The following SPDL1 variants were observed in gnomAD, a reference collection of about 807,000 sequenced individuals.
SPDL1 encodes spindle apparatus coiled-coil protein 1, also known as protein Spindly.
A neutral mutation model predicts 79.5 loss-of-function variants in SPDL1; 85 were observed. The observed-to-expected ratio is 1.07, with a 90% CI of 0.90 to 1.28. The LOEUF (loss-of-function observed/expected upper bound fraction) is 1.28, where lower values mean the gene tolerates loss of function less well. SPDL1 is among the 50% of genes most tolerant of loss of function. SPDL1 has a pLI of 0.00. For missense variants in SPDL1, 703 were observed against 697.8 expected (o/e 1.01, Z -0.08); for synonymous variants, 269 against 240.3 (o/e 1.12, Z -1.10).
chr5:169,601,481 C>T lies in SPDL1; in HGVS notation c.1526C>T (p.Thr509Ile). The change falls in exon 11 of 12, where the codon ACA becomes ATA. Residue 509 changes from threonine to isoleucine, a missense_variant. Coordinates refer to ENST00000265295, the MANE Select transcript of SPDL1 (RefSeq NM_017785.5). ...LQLEKSVSIY[T>I]PVVSLSPHKN... ...TTAGAAAAATCAGTTTCTATATACA[C>T]ACCAGTAGTCAGTCTCTCTCCTCAC... is the stretch of plus-strand genomic sequence containing the variant. 6.2e-7 allele frequency: 1 copy of T among 1,614,170 alleles called. No individual in the cohort carries two copies. Among genetic ancestry groups the T allele is most frequent in the Non-Finnish European group, 8.5e-7 (1 of 1,180,020 alleles).
intron 1 of SPDL1, among the ~76,000 whole-genome samples, chr5:169,585,189 C>T (rs187902719): frequency 6.6e-6 from 1 of 152,170 alleles, no homozygotes; most frequent in East Asian, 1.9e-4. Flanking sequence ...TGTCCATGTT[C>T]CCTTCTACGC....
At chr5:169,588,911 TCC>T (rs1385574756) in intron 2 of SPDL1, 1 of 160,104 alleles carries the variant, frequency 6.2e-6, no homozygotes, top group Admixed American at 6.4e-5. Context: ...AGCCCTTAGT[TCC>T]CCCATGAAAT....
intron 8 of SPDL1, among the ~76,000 whole-genome samples, chr5:169,597,883 A>G (rs1755671377): frequency 6.6e-6 from 1 of 152,174 alleles, no homozygotes; most frequent in Admixed American, 6.5e-5. Flanking sequence ...TCAGAACTAT[A>G]CTCTGAAAAT....
At chr5:169,593,674 C>G (rs1755422112) in intron 4 of SPDL1, 126 bp downstream of exon 4, 1 of 882,958 alleles carries the variant, frequency 1.1e-6, no homozygotes, top group African/African-American at 1.7e-5. Context: ...TAACTTGCAT[C>G]TAACTAATTA....
intron 3 of SPDL1, 145 bp downstream of exon 3, chr5:169,591,369 A>G: frequency 2.8e-6 from 2 of 712,152 alleles, no homozygotes; most frequent in Non-Finnish European, 4.6e-6. Context: ...TGGGGGTGGG[A>G]ACACTGAGAT....
In SPDL1 at chr5:169,593,480, G is replaced by A. The variant is rs746142821; in HGVS notation, c.463G>A (p.Val155Met). 21 of 1,613,970 alleles carry A rather than the reference G, an allele frequency of 1.3e-5. No individual in the cohort carries two copies. The highest frequency in any genetic ancestry group is 1.0e-4 in the Admixed American group (6 of 59,996). ...SEELRVMSERVQESMSSEMLA... is the reference protein window; with the variant it reads ...SEELRVMSERMQESMSSEMLA... Reference sequence around the variant, plus strand: ...GGAACTGCGCGTAATGTCTGAACGTGTGCAGGAAAGCATGTCTTCAGAGAT... The same window carrying A: ...GGAACTGCGCGTAATGTCTGAACGTATGCAGGAAAGCATGTCTTCAGAGAT... Residue 155 changes from valine to methionine, a missense_variant, in exon 4 of 12, where the codon GTG (valine) becomes ATG (methionine). Coordinates refer to ENST00000265295, the MANE Select transcript of SPDL1 (RefSeq NM_017785.5).
chr5:169,591,999 C>G (rs1217195102), intron 3 of SPDL1, among the ~76,000 whole-genome samples: 1 of 152,194 alleles, frequency 6.6e-6, no homozygotes, highest in Non-Finnish European at 1.5e-5. Context: ...TGTGTATAGT[C>G]TATACTCTGA....
chr5:169,604,194 G>A lies in SPDL1; in HGVS notation c.1805G>A (p.Cys602Tyr). 1 of 1,589,328 alleles carries A rather than the reference G, an allele frequency of 6.3e-7. No homozygotes were observed. Among genetic ancestry groups the A allele is most frequent in the African/African-American group, 1.4e-5 (1 of 73,364 alleles). ...TCTAAATCTACTCCAGAGACCCAGT[G>A]CCCTCAACAGTAAAGACTTGTCTTT... ...VSSKSTPETQ[C>Y]PQQ is the part of the protein sequence containing the mutation. Residue 602 changes from cysteine (C) to tyrosine (Y), a missense_variant, in exon 12 of 12, where the codon TGC becomes TAC. Cys to Tyr is a radical substitution (Grantham distance 194, BLOSUM62 -2). Coordinates refer to ENST00000265295, the MANE Select transcript of SPDL1 (RefSeq NM_017785.5).
At chr5:169,588,911 TC>T (rs1385574756) in intron 2 of SPDL1, 1 of 160,104 alleles carries the variant, frequency 6.2e-6, no homozygotes, top group African/African-American at 2.4e-5. Context: ...AGCCCTTAGT[TC>T]CCCCATGAAA....
intron 7 of SPDL1, chr5:169,595,465 C>T (rs1405058863): frequency 6.6e-6 from 1 of 152,176 alleles, no homozygotes; most frequent in Non-Finnish European, 1.5e-5. Context: ...ACTTTGAAAG[C>T]AACAGTACCT....
At chr5:169,599,239 T>C in intron 10 of SPDL1, 80 bp downstream of exon 10, 3 of 1,094,764 alleles carry the variant, frequency 2.7e-6, no homozygotes, top group Non-Finnish European at 3.7e-6. Flanking sequence ...TACTGTAGTT[T>C]TATGCAACTC....
chr5:169,588,777 G>A (rs1006294690), intron 2 of SPDL1: 1 of 402,730 alleles, frequency 2.5e-6, no homozygotes, highest in Non-Finnish European at 4.4e-6. Flanking sequence ...GAGTTTGAAA[G>A]ATCAAGTTAT....
rs756442628 is a variant in SPDL1 at position 169,588,518 on chromosome 5, A to G, written c.102A>G (p.Gln34=). ...AQYGLQLVES[Q]NELQNQLDKC... ...ATGGTTTACAACTAGTAGAGAGTCA[A>G]AATGAATTACAGAATCAATTGGATA... The change falls in exon 2 of 12, where the codon CAA becomes CAG. Residue 34 remains glutamine, a synonymous_variant. Coordinates refer to ENST00000265295, the MANE Select transcript of SPDL1 (RefSeq NM_017785.5). 1.2e-6 allele frequency: 2 copies of G among 1,613,958 alleles called. No individual in the cohort carries two copies. Among genetic ancestry groups the G allele is most frequent in the Non-Finnish European group, 1.7e-6 (2 of 1,179,916 alleles).
chr5:169,601,527 G>A lies in SPDL1; in HGVS notation c.1572G>A (p.Met524Ile). The A allele has an allele frequency of 6.2e-7, 1 of 1,614,164 alleles. No individual in the cohort carries two copies. The highest frequency in any genetic ancestry group is 8.5e-7 in the Non-Finnish European group (1 of 1,180,022). The change falls in exon 11 of 12, where the codon ATG becomes ATA. Residue 524 changes from methionine (M) to isoleucine (I), a missense_variant. Met to Ile is a conservative substitution (Grantham distance 10). Transcript: ENST00000265295. ...LSPHKNLPVDMQLKKEKKCVK... is the reference protein window; with the variant it reads ...LSPHKNLPVDIQLKKEKKCVK... ...CTCACAAAAATCTGCCCGTGGATAT[G>A]CAGCTGAAGAAGGAAAAGAAATGTG... is the stretch of plus-strand genomic sequence containing the variant.
intron 8 of SPDL1, among the ~76,000 whole-genome samples, chr5:169,597,346 GA>G (rs1487984012): frequency 6.6e-6 from 1 of 151,966 alleles, no homozygotes; most frequent in Non-Finnish European, 1.5e-5. Context: ...TGATCCCAGT[GA>G]TTTGAGTTGA....
intron 2 of SPDL1, 179 bp from the exon 3 acceptor site, chr5:169,590,869 C>T (rs13174314): frequency 2.5e-5 from 17 of 676,218 alleles, no homozygotes; most frequent in Admixed American, 8.3e-5. Context: ...CGAAATACAC[C>T]TCAGGGGTTT....
Position 169,591,099 on chromosome 5 carries a change from C to A in SPDL1, c.211C>A (p.Arg71=). ...TCAAAGAGAAGTTGAACTCAAGAGT[C>A]GAATGTTAGAAAGTTTGAGCTGCGA... ...TLQREVELKS[R]MLESLSCECE... Residue 71 remains arginine, a synonymous_variant, in exon 3 of 12, where the codon CGA becomes AGA. Transcript: ENST00000265295. The A allele has an allele frequency of 1.2e-6, 2 of 1,613,818 alleles. No individual in the cohort carries two copies. Among genetic ancestry groups the A allele is most frequent in the South Asian group, 1.1e-5 (1 of 91,032 alleles).
intron 11 of SPDL1, among the ~76,000 whole-genome samples, chr5:169,603,093 A>G (rs1320303451): frequency 8.3e-6 from 1 of 120,984 alleles, no homozygotes; most frequent in Non-Finnish European, 1.8e-5. Flanking sequence ...AAAATAAAAT[A>G]CCACAAAACA....
Position 169,601,571 on chromosome 5 carries a change from C to T in SPDL1, c.1616C>T (p.Pro539Leu). The T allele has an allele frequency of 6.2e-7, 1 of 1,614,158 alleles. No homozygotes were observed. The highest frequency in any genetic ancestry group is 8.5e-7 in the Non-Finnish European group (1 of 1,180,036). Residue 539 changes from proline (P) to leucine (L), a missense_variant, in exon 11 of 12, where the codon CCC (proline) becomes CTC (leucine). Physicochemically the swap from Pro to Leu is moderately conservative, Grantham distance 98. Transcript: ENST00000265295. ...AAATGTGTGAAACTCATAGGAGTTC[C>T]CGCTGACGCTGAGGCCTTAAGTGAA... ...EKKCVKLIGV[P>L]ADAEALSERS...
Sources: allele counts gnomAD v4.1 joint callset (sites outside exome capture counted in the v4.1 genomes callset), GRCh38; gene constraint gnomAD v4.1.1; transcripts MANE v1.5; gene names NCBI Gene and HGNC (gene_info 2026-07-23, HGNC 2026-07-21).